TARP: variants seen among roughly 807,000 people sequenced by gnomAD.
At chr7:38,261,726 G>T in the TARP span, among the ~76,000 whole-genome samples, 1 of 150,972 alleles carries the variant, frequency 6.6e-6, no homozygotes, top group South Asian at 2.1e-4. Flanking sequence ...ACAAAAATTA[G>T]CCGGGCATGG....
the TARP span, among the ~76,000 whole-genome samples, chr7:38,266,039 T>G: frequency 2.6e-5 from 4 of 151,362 alleles, no homozygotes; most frequent in Non-Finnish European, 5.9e-5. Context: ...TTTTAATCTC[T>G]TTTGTTTCAT....
the TARP span, among the ~76,000 whole-genome samples, chr7:38,260,614 G>A: frequency 1.3e-5 from 2 of 151,730 alleles, no homozygotes; most frequent in Admixed American, 6.6e-5. Context: ...ATTATTTGAG[G>A]TTTTGCAAGA....
At chr7:38,271,548 GA>G in the TARP span, among the ~76,000 whole-genome samples, 16,412 of 147,630 alleles carry the variant, frequency 0.11, 1,067 homozygotes, top group South Asian at 0.18. Flanking sequence ...CTGGTAAAAG[GA>G]AAAAAAAAGG....
At chr7:38,264,042 C>T in the TARP span, among the ~76,000 whole-genome samples, 1 of 151,802 alleles carries the variant, frequency 6.6e-6, no homozygotes, top group South Asian at 2.1e-4. Context: ...AGTAACTGTT[C>T]CCCATAATAA....
chr7:38,269,523 A>C, the TARP span: 11 of 708,362 alleles, frequency 1.6e-5, no homozygotes, highest in Middle Eastern at 2.3e-4. Context: ...ACTGCCAAAG[A>C]GTTTCTTATA....
At chr7:38,271,823 T>C in the TARP span, among the ~76,000 whole-genome samples, 1 of 151,138 alleles carries the variant, frequency 6.6e-6, no homozygotes, top group East Asian at 1.9e-4. Context: ...AACAAAAGTT[T>C]TAATGAAATA....
At chr7:38,272,549 T>G in the TARP span, among the ~76,000 whole-genome samples, 2 of 144,402 alleles carry the variant, frequency 1.4e-5, no homozygotes, top group African/African-American at 5.2e-5. Context: ...CAGAGAAAAA[T>G]GTTTAAATAA....
the TARP span, among the ~76,000 whole-genome samples, chr7:38,270,472 A>G: frequency 1.3e-5 from 2 of 151,514 alleles, no homozygotes; most frequent in East Asian, 3.9e-4. Context: ...ATATGCAGTC[A>G]GTGTATGGGA....
At chr7:38,272,251 A>G in the TARP span, among the ~76,000 whole-genome samples, 2 of 150,756 alleles carry the variant, frequency 1.3e-5, no homozygotes, top group Admixed American at 6.7e-5. Flanking sequence ...CTTGAATTCT[A>G]GAAGAGGAAA....
chr7:38,264,551 A>T, the TARP span, among the ~76,000 whole-genome samples: 2 of 151,446 alleles, frequency 1.3e-5, no homozygotes, highest in South Asian at 4.2e-4. Context: ...AGATCATACC[A>T]TAGCACACCT....
the TARP span, among the ~76,000 whole-genome samples, chr7:38,272,032 T>C: frequency 6.6e-6 from 1 of 151,168 alleles, no homozygotes; most frequent in Non-Finnish European, 1.5e-5. Flanking sequence ...CTCTTGAAAA[T>C]GAAAAATCAC....
the TARP span, among the ~76,000 whole-genome samples, chr7:38,266,177 T>C: frequency 2.0e-5 from 3 of 151,948 alleles, no homozygotes; most frequent in East Asian, 1.9e-4. Context: ...TTGTAACTTA[T>C]GTTCTTTGGC....
chr7:38,273,347 A>G, the TARP span, among the ~76,000 whole-genome samples: 15 of 151,158 alleles, frequency 9.9e-5, no homozygotes, highest in African/African-American at 3.2e-4. Flanking sequence ...AGAGATACCA[A>G]TGGAACAACA....
the TARP span, among the ~76,000 whole-genome samples, chr7:38,272,478 G>T: frequency 7.1e-6 from 1 of 140,844 alleles, no homozygotes; most frequent in South Asian, 2.4e-4. Context: ...AAGTGAAAAA[G>T]CCAGATCTAT....
At chr7:38,269,859 G>T in the TARP span, among the ~76,000 whole-genome samples, 1 of 152,002 alleles carries the variant, frequency 6.6e-6, no homozygotes, top group Non-Finnish European at 1.5e-5. Flanking sequence ...CAGCACTTTG[G>T]GAGGCTGAGG....
the TARP span, among the ~76,000 whole-genome samples, chr7:38,269,223 C>A: frequency 3.3e-5 from 5 of 151,660 alleles, no homozygotes; most frequent in African/African-American, 1.2e-4. Flanking sequence ...CAGGGCCAGA[C>A]ATTTTAATGA....
At chr7:38,270,307 C>T in the TARP span, among the ~76,000 whole-genome samples, 1 of 151,712 alleles carries the variant, frequency 6.6e-6, no homozygotes. Context: ...TTCTCAGTTC[C>T]TCTGTTTGCA....
the TARP span, among the ~76,000 whole-genome samples, chr7:38,269,211 C>T: frequency 2.0e-5 from 3 of 151,686 alleles, no homozygotes; most frequent in African/African-American, 7.3e-5. Context: ...TACATTTGGT[C>T]TCAGGGCCAG....
chr7:38,261,144 G>T, the TARP span, among the ~76,000 whole-genome samples: 1 of 151,640 alleles, frequency 6.6e-6, no homozygotes, highest in Non-Finnish European at 1.5e-5. Context: ...TAAAAGAGCT[G>T]GAGTGAAAGT....
Sources: gnomAD v4.1 joint callset for allele counts (sites outside exome capture counted in the v4.1 genomes callset) on GRCh38, gnomAD v4.1.1 for gene constraint, MANE v1.5 for transcripts.